Variants in COG5 observed in about 807,000 individuals in gnomAD.
COG5 encodes the protein component of oligomeric golgi complex 5, also known as conserved oligomeric Golgi complex subunit 5.
In COG5, 86 loss-of-function variants were observed where a neutral mutation model predicts 110.4. The ratio of observed to expected loss-of-function variants is 0.78; its 90% CI spans 0.65 to 0.93. The LOEUF (loss-of-function observed/expected upper bound fraction) is 0.93. Ranked by LOEUF, COG5 falls within the 40% of genes least tolerant of loss-of-function variation. The pLI, the probability that COG5 is intolerant of heterozygous loss-of-function variation, is 0.00. For synonymous variants in COG5, 360 were observed against 334.6 expected (o/e 1.08, Z -0.83); for missense variants, 1,077 against 987.0 (o/e 1.09, Z -1.22).
Position 107,367,559 on chromosome 7 carries a change from T to A in COG5, c.835+5036A>T, listed in dbSNP as rs996576898. On this transcript the variant is annotated intron_variant, in intron 8 of 21. Coordinates refer to ENST00000297135, the MANE Select transcript of COG5 (RefSeq NM_006348.5). Reference sequence around the variant, plus strand: ...CAATGAGTGGGTAAAGAAACTGTTGTGTATATATATACACACACACACACA... The same window carrying A: ...CAATGAGTGGGTAAAGAAACTGTTGAGTATATATATACACACACACACACA... Among the ~76,000 whole-genome samples the A allele has an allele frequency of 2.8e-4, 42 of 149,572 alleles. 1 individual carries two copies. Among genetic ancestry groups the A allele is most frequent in the Admixed American group, 1.2e-3 (18 of 15,178 alleles).
intron 6 of COG5, among the ~76,000 whole-genome samples, chr7:107,491,568 C>T (rs75687201): frequency 0.059 from 9,050 of 152,194 alleles, 342 homozygotes; most frequent in Non-Finnish European, 0.09. Context: ...ATTTTCAAAG[C>T]CCTTTTAGCA....
At chr7:107,259,817 A>G (rs1227476337) in intron 14 of COG5, among the ~76,000 whole-genome samples, 2 of 152,110 alleles carry the variant, frequency 1.3e-5, no homozygotes, top group African/African-American at 2.4e-5. Context: ...GCTGCTAGAA[A>G]AGGGTGGAGA....
chr7:107,310,373 T>C (rs1808116531), intron 11 of COG5, among the ~76,000 whole-genome samples: 1 of 152,226 alleles, frequency 6.6e-6, no homozygotes. Flanking sequence ...CTGCCCACTT[T>C]GTGGGCAAAT....
intron 7 of COG5, among the ~76,000 whole-genome samples, chr7:107,381,694 C>G (rs531553345): frequency 2.6e-5 from 4 of 152,126 alleles, no homozygotes; most frequent in Non-Finnish European, 5.9e-5. Flanking sequence ...ACAAGACTCA[C>G]GAAGAGCTAA....
intron 7 of COG5, among the ~76,000 whole-genome samples, chr7:107,411,196 C>G (rs1792266990): frequency 1.3e-5 from 2 of 152,300 alleles, no homozygotes; most frequent in South Asian, 4.1e-4. Flanking sequence ...TGGAGGGCTA[C>G]AGAGTCAAAT....
At chr7:107,323,235 G>A (rs887289426) in intron 11 of COG5, among the ~76,000 whole-genome samples, 2 of 152,124 alleles carry the variant, frequency 1.3e-5, no homozygotes, top group African/African-American at 2.4e-5. Context: ...TGATTCACAA[G>A]TAAACGGAAC....
chr7:107,457,208 A>G (rs533134089), intron 6 of COG5, among the ~76,000 whole-genome samples: 4 of 94,128 alleles, frequency 4.2e-5, no homozygotes, highest in Non-Finnish European at 7.7e-5. Context: ...AAATTAATCA[A>G]ATAAAACTTT....
intron 6 of COG5, among the ~76,000 whole-genome samples, chr7:107,425,517 A>C (rs907178416): frequency 1.3e-5 from 2 of 151,954 alleles, no homozygotes; most frequent in Non-Finnish European, 1.5e-5. Context: ...AAAAAAAAAA[A>C]ACACAAGAAA....
At chr7:107,510,785 A>T (rs552342354) in intron 6 of COG5, among the ~76,000 whole-genome samples, 25 of 152,334 alleles carry the variant, frequency 1.6e-4, no homozygotes, top group East Asian at 9.6e-4. Flanking sequence ...AACCTGCTCC[A>T]GAATGACTAC....
chr7:107,549,501 C>A (rs1264717892), intron 3 of COG5, among the ~76,000 whole-genome samples: 6 of 152,130 alleles, frequency 3.9e-5, no homozygotes, highest in Non-Finnish European at 5.9e-5. Context: ...ACGCCATTCT[C>A]CAGCCTCAGC....
intron 19 of COG5, among the ~76,000 whole-genome samples, chr7:107,218,821 T>G (rs1799701134): frequency 6.6e-6 from 1 of 151,990 alleles, no homozygotes; most frequent in African/African-American, 2.4e-5. Context: ...CTTTTTGGAT[T>G]TGATCCCAAA....
At chr7:107,323,673 A>T (rs745892108) in intron 11 of COG5, among the ~76,000 whole-genome samples, 4 of 152,232 alleles carry the variant, frequency 2.6e-5, no homozygotes, top group Admixed American at 2.0e-4. Context: ...ACTTCATTAG[A>T]AATAAGTAGA....
At chr7:107,242,522 C>T (rs1173516551) in intron 17 of COG5, among the ~76,000 whole-genome samples, 1 of 152,236 alleles carries the variant, frequency 6.6e-6, no homozygotes, top group Admixed American at 6.5e-5. Context: ...AGCAACTCAG[C>T]AACTCCAAGA....
At chr7:107,370,306 T>TA (rs982094641) in intron 8 of COG5, among the ~76,000 whole-genome samples, 29 of 151,956 alleles carry the variant, frequency 1.9e-4, no homozygotes, top group Non-Finnish European at 3.5e-4. Context: ...CTTACACTTA[T>TA]AAAAAAATTG....
intron 19 of COG5, among the ~76,000 whole-genome samples, chr7:107,223,630 T>C (rs1249932877): frequency 6.6e-6 from 1 of 152,210 alleles, no homozygotes; most frequent in African/African-American, 2.4e-5. Flanking sequence ...GTTTAGATTC[T>C]CTTTAAAATT....
At chr7:107,391,808 T>C (rs1584765107) in intron 7 of COG5, among the ~76,000 whole-genome samples, 1 of 152,126 alleles carries the variant, frequency 6.6e-6, no homozygotes, top group Non-Finnish European at 1.5e-5. Flanking sequence ...TAAACCTTAT[T>C]GGTCAGGTGC....
intron 19 of COG5, among the ~76,000 whole-genome samples, chr7:107,216,410 C>A (rs1219076108): frequency 6.6e-6 from 1 of 152,190 alleles, no homozygotes; most frequent in African/African-American, 2.4e-5. Context: ...ACCCAACAGA[C>A]ATATACAGCA....
chr7:107,545,795 A>AAAAAG (rs1563093538), intron 5 of COG5, among the ~76,000 whole-genome samples: 4 of 150,602 alleles, frequency 2.7e-5, no homozygotes, highest in South Asian at 2.1e-4. Context: ...AAAAAAAAAA[A>AAAAAG]AAAAGAAAAG....
chr7:107,251,133 CAAA>C (rs564589238), intron 16 of COG5, among the ~76,000 whole-genome samples: 3 of 54,848 alleles, frequency 5.5e-5, no homozygotes, highest in Admixed American at 1.8e-4. Context: ...TGAAACTAGC[CAAA>C]AAAAAAAAAA....
Sources: gnomAD v4.1 joint callset for allele counts (sites outside exome capture counted in the v4.1 genomes callset) on GRCh38, gnomAD v4.1.1 for gene constraint, MANE v1.5 for transcripts, NCBI Gene and HGNC (gene_info 2026-07-23, HGNC 2026-07-21) for gene names.